CFAP299: variants seen among roughly 807,000 people sequenced by gnomAD.
CFAP299 encodes cilia- and flagella-associated protein 299.
CFAP299 carries 21 observed loss-of-function variants against 27.0 expected under a neutral mutation model. That is an observed-to-expected ratio of 0.78 (90% CI 0.55 to 1.12). CFAP299 has a LOEUF of 1.12. Ranked by LOEUF, CFAP299 falls within the 50% of genes most tolerant of loss-of-function variation. The probability of loss-of-function intolerance (pLI) is 0.00; values close to 1 mark genes in which losing one functional copy is unlikely to be tolerated. For synonymous variants in CFAP299, 104 were observed against 98.1 expected (o/e 1.06, Z -0.36); for missense variants, 310 against 276.6 (o/e 1.12, Z -0.86).
At chr4:80,593,557 T>A (rs774380591) in intron 3 of CFAP299, among the ~76,000 whole-genome samples, 5 of 152,186 alleles carry the variant, frequency 3.3e-5, no homozygotes, top group Non-Finnish European at 5.9e-5. Flanking sequence ...GTCTGTGGGA[T>A]CTATGGTGAT....
At chr4:80,872,596 T>C (rs1416263467) in intron 4 of CFAP299, 2 of 152,164 alleles carry the variant, frequency 1.3e-5, no homozygotes, top group Non-Finnish European at 2.9e-5. Context: ...TGAGAAATAC[T>C]GCATAAGTGA....
At chr4:80,370,816 G>T (rs1724107957) in intron 2 of CFAP299, among the ~76,000 whole-genome samples, 1 of 152,214 alleles carries the variant, frequency 6.6e-6, no homozygotes, top group Non-Finnish European at 1.5e-5. Flanking sequence ...GGCTTTTCCA[G>T]GCACAGGGTG....
chr4:80,810,200 T>C (rs937133606), intron 3 of CFAP299, among the ~76,000 whole-genome samples: 4 of 152,102 alleles, frequency 2.6e-5, no homozygotes, highest in African/African-American at 9.7e-5. Context: ...TGAATTTCTG[T>C]ATTTTTTAGA....
intron 4 of CFAP299, among the ~76,000 whole-genome samples, chr4:80,903,408 A>G (rs923516921): frequency 2.6e-5 from 4 of 152,106 alleles, no homozygotes; most frequent in African/African-American, 9.6e-5. Flanking sequence ...AGAAAATTGA[A>G]ATCTGAAAAA....
chr4:80,673,412 G>A (rs1741622886), intron 3 of CFAP299, among the ~76,000 whole-genome samples: 1 of 152,076 alleles, frequency 6.6e-6, no homozygotes, highest in Non-Finnish European at 1.5e-5. Flanking sequence ...CATTTGCTGA[G>A]GCATGCTTTA....
chr4:80,352,399 C>G (rs889150765), intron 1 of CFAP299, among the ~76,000 whole-genome samples: 1 of 152,096 alleles, frequency 6.6e-6, no homozygotes, highest in Non-Finnish European at 1.5e-5. Context: ...GAAACCCCGT[C>G]TCTACTAAAA....
chr4:80,447,159 G>A (rs1408977308), intron 2 of CFAP299, among the ~76,000 whole-genome samples: 2 of 114,166 alleles, frequency 1.8e-5, no homozygotes, highest in Non-Finnish European at 3.4e-5. Context: ...TTTTTGAGAC[G>A]GAGTCTCGCT....
At chr4:80,807,714 G>A (rs769014749) in intron 3 of CFAP299, among the ~76,000 whole-genome samples, 12 of 151,926 alleles carry the variant, frequency 7.9e-5, no homozygotes, top group Admixed American at 2.0e-4. Context: ...ATAATAAAAT[G>A]CATTTATATA....
chr4:80,420,172 C>T (rs1316080401), intron 2 of CFAP299: 1 of 455,800 alleles, frequency 2.2e-6, no homozygotes, highest in Admixed American at 2.4e-5. Context: ...TAGCAGCTGT[C>T]AGAGGGAATA....
At position 80,591,104 on chromosome 4, in the gene CFAP299, A is replaced by ATTTTTTTTTTTT. The variant is rs1339201630; in HGVS notation, c.333+7921_333+7922insTTTTTTTTTTTT. Among the ~76,000 whole-genome samples, 53 of 116,522 alleles carry ATTTTTTTTTTTT rather than the reference A, an allele frequency of 4.5e-4. 1 individual carries two copies. The highest frequency in any genetic ancestry group is 5.1e-3 in the Middle Eastern group (1 of 196). The allele number at this position is 116,522 out of a possible 152,430, so 76.4% of individuals were successfully genotyped here. On this transcript the variant is annotated intron_variant, in intron 3 of 5. Transcript: ENST00000358105. Reference sequence around the variant, plus strand: ...AGAAACAGATTATAATACTTTAGGAAATTTTTTTTTTTTTTTTTTTTTTTT... The same window carrying ATTTTTTTTTTTT: ...AGAAACAGATTATAATACTTTAGGAATTTTTTTTTTTTATTTTTTTTTTTTTTTTTTTTTTTT...
chr4:80,656,757 G>A (rs1740578750), intron 3 of CFAP299, among the ~76,000 whole-genome samples: 1 of 152,034 alleles, frequency 6.6e-6, no homozygotes, highest in African/African-American at 2.4e-5. Context: ...GGAGTTGCTG[G>A]GTCAAATGGT....
chr4:80,429,668 T>C (rs1339007022), intron 2 of CFAP299, among the ~76,000 whole-genome samples: 1 of 152,192 alleles, frequency 6.6e-6, no homozygotes, highest in African/African-American at 2.4e-5. Context: ...AAATGTTGAA[T>C]AACTATATCA....
intron 3 of CFAP299, among the ~76,000 whole-genome samples, chr4:80,868,317 G>A (rs1224577638): frequency 6.6e-6 from 1 of 151,994 alleles, no homozygotes; most frequent in African/African-American, 2.4e-5. Context: ...GAATTTCTTT[G>A]AGCAATGATC....
At chr4:80,762,819 TAAAAAAGTCCTGACTTTTCCGCA>T (rs1257747947) in intron 3 of CFAP299, among the ~76,000 whole-genome samples, 2 of 152,184 alleles carry the variant, frequency 1.3e-5, no homozygotes, top group African/African-American at 4.8e-5. Flanking sequence ...GACACAGGGG[TAAAAAAGTCCTGACTTTTCCGCA>T]ATGGGAGACA....
chr4:80,654,784 CT>C (rs369680550), intron 3 of CFAP299, among the ~76,000 whole-genome samples: 1,867 of 126,764 alleles, frequency 0.015, 16 homozygotes, highest in African/African-American at 0.031. Flanking sequence ...TAATTTTTAA[CT>C]TTTTTTTTTT....
chr4:80,394,594 T>C (rs1053730477), intron 2 of CFAP299, among the ~76,000 whole-genome samples: 1 of 152,134 alleles, frequency 6.6e-6, no homozygotes, highest in Non-Finnish European at 1.5e-5. Flanking sequence ...TTTGAGTTGG[T>C]TTTTATATAT....
At chr4:80,359,446 A>G (rs182734483) in intron 1 of CFAP299, among the ~76,000 whole-genome samples, 8 of 152,256 alleles carry the variant, frequency 5.3e-5, no homozygotes, top group Admixed American at 4.6e-4. Context: ...CATCTCTTTC[A>G]GGGACACCAA....
intron 3 of CFAP299, among the ~76,000 whole-genome samples, chr4:80,755,291 C>G (rs1725173697): frequency 6.6e-6 from 1 of 151,696 alleles, no homozygotes; most frequent in Admixed American, 6.6e-5. Context: ...TCAGTTCTAA[C>G]AACAGCAACA....
intron 2 of CFAP299, among the ~76,000 whole-genome samples, chr4:80,462,563 C>T (rs920896164): frequency 7.2e-5 from 11 of 152,168 alleles, no homozygotes; most frequent in African/African-American, 2.7e-4. Flanking sequence ...TTTTATCTCC[C>T]TATCCCTTCC....
Sources: gnomAD v4.1 joint callset for allele counts (sites outside exome capture counted in the v4.1 genomes callset) on GRCh38, gnomAD v4.1.1 for gene constraint, MANE v1.5 for transcripts, NCBI Gene and HGNC (gene_info 2026-07-23, HGNC 2026-07-21) for gene names.